Variants in TCF20 observed in about 807,000 individuals in gnomAD.
TCF20 encodes transcription factor 20, also known as SPRE-binding protein.
A neutral mutation model predicts 148.6 loss-of-function variants in TCF20; 3 were observed. That is an observed-to-expected ratio of 0.02 (90% CI 0.01 to 0.05). The LOEUF is 0.05. Ranked by LOEUF, TCF20 falls within the 10% of genes least tolerant of loss-of-function variation. The pLI, the probability that TCF20 is intolerant of heterozygous loss-of-function variation, is 1.00. For missense variants in TCF20, 2,350 were observed against 2,429.3 expected (o/e 0.97, Z 0.69); for synonymous variants, 1,049 against 909.5 (o/e 1.15, Z -2.76).
chr22:42,179,814 G>A (rs776145526), intron 2 of TCF20, 112 bp from the exon 3 acceptor site: 34 of 720,518 alleles, frequency 4.7e-5, no homozygotes, highest in Non-Finnish European at 7.7e-5. Context: ...GTGGTTAGAG[G>A]AGTCCGTGGT....
upstream of TCF20, among the ~76,000 whole-genome samples, chr22:42,273,156 T>C (rs1157428904): frequency 4.0e-5 from 6 of 151,566 alleles, no homozygotes; most frequent in East Asian, 7.7e-4. Flanking sequence ...GGTCAGGAGT[T>C]CAAGACCACC....
chr22:42,257,462 G>A (rs1925803207), intron 1 of TCF20, among the ~76,000 whole-genome samples: 1 of 152,146 alleles, frequency 6.6e-6, no homozygotes, highest in South Asian at 2.1e-4. Flanking sequence ...ACAAATTTGC[G>A]ATGAAACAGA....
intron 1 of TCF20, among the ~76,000 whole-genome samples, chr22:42,232,690 G>A (rs1206106063): frequency 6.6e-6 from 1 of 151,790 alleles, no homozygotes. Context: ...AATTAGCACG[G>A]CGTGGTGGCG....
chr22:42,332,893 G>T (rs957984932), intron 1 of TCF20, among the ~76,000 whole-genome samples: 2 of 152,230 alleles, frequency 1.3e-5, no homozygotes, highest in Non-Finnish European at 2.9e-5. Context: ...TCAGATGCCA[G>T]GAGTGGGGGC....
intron 2 of TCF20, among the ~76,000 whole-genome samples, chr22:42,207,436 G>A (rs758386335): frequency 2.0e-5 from 3 of 152,026 alleles, no homozygotes; most frequent in Non-Finnish European, 2.9e-5. Context: ...ATTATTCTAC[G>A]GAGAGGACTA....
chr22:42,271,018 G>T (rs1452480862), upstream of TCF20, among the ~76,000 whole-genome samples: 1 of 152,104 alleles, frequency 6.6e-6, no homozygotes, highest in Non-Finnish European at 1.5e-5. Context: ...GGAGTTCCCT[G>T]GAGCCTCCAA....
intron 1 of TCF20, among the ~76,000 whole-genome samples, chr22:42,216,381 C>T (rs1440079432): frequency 6.6e-6 from 1 of 152,134 alleles, no homozygotes; most frequent in East Asian, 1.9e-4. Context: ...TGTCCAAGTG[C>T]AAATTTTTGC....
intron 1 of TCF20, among the ~76,000 whole-genome samples, chr22:42,313,586 C>T (rs1171810657): frequency 1.4e-5 from 2 of 147,696 alleles, no homozygotes; most frequent in African/African-American, 2.6e-5. Flanking sequence ...GCAGCCTCAA[C>T]AGAATTCTTT....
In TCF20 at chr22:42,212,218, G is replaced by T. The variant is rs200309070; in HGVS notation, c.3088C>A (p.Pro1030Thr). 26 of 1,614,004 alleles carry T rather than the reference G, an allele frequency of 1.6e-5. No homozygotes were observed. The highest frequency in any genetic ancestry group is 1.6e-4 in the Middle Eastern group (1 of 6,084). The change falls in exon 2 of 6, where the codon CCT becomes ACT. Residue 1030 changes from proline (P) to threonine (T), a missense_variant. Physicochemically the swap from Pro to Thr is conservative, Grantham distance 38. Coordinates refer to ENST00000677622, the MANE Select transcript of TCF20 (RefSeq NM_001378418.1). ...GTCATGTGTGGATTCATGTGATGAG[G>T]GTCTCCCCCTGGGCCTCTGCTCCGC... is the stretch of plus-strand genomic sequence containing the variant. Reference protein sequence around the residue: ...PGRSRGPGGDPHHMNPHMTFS... With the variant: ...PGRSRGPGGDTHHMNPHMTFS...
At chr22:42,174,498 G>A (rs899067778) in intron 3 of TCF20, among the ~76,000 whole-genome samples, 1 of 152,104 alleles carries the variant, frequency 6.6e-6, no homozygotes, top group African/African-American at 2.4e-5. Context: ...GCCTCAGTGG[G>A]GGACCACTTC....
At chr22:42,326,558 C>T (rs1339169592) in intron 1 of TCF20, among the ~76,000 whole-genome samples, 1 of 152,212 alleles carries the variant, frequency 6.6e-6, no homozygotes, top group East Asian at 1.9e-4. Flanking sequence ...CTGACAGATG[C>T]CAGGTTCTGG....
intron 2 of TCF20, among the ~76,000 whole-genome samples, chr22:42,195,710 G>A (rs1937570662): frequency 6.6e-6 from 1 of 152,038 alleles, no homozygotes. Flanking sequence ...ACGTTGGCCA[G>A]GCTAGTCTCA....
chr22:42,255,488 AAACAAC>A (rs71746301), intron 1 of TCF20, among the ~76,000 whole-genome samples: 73 of 29,312 alleles, frequency 2.5e-3, no homozygotes, highest in Non-Finnish European at 4.5e-3. Context: ...ACTTCATCTC[AAACAAC>A]AACAACAACA....
In TCF20 at chr22:42,290,608, T is replaced by C. The variant is rs1435652223; in HGVS notation, c.-37+52871A>G. On this transcript the variant is annotated intron_variant, in intron 1 of 1. Coordinates refer to the TCF20 transcript ENST00000515426. This position sits in a 1 kb window ranked among gnomAD's most constrained non-coding sequence, Gnocchi z 4.2. The stretch of plus-strand genomic sequence containing the variant: ...GGGCAGGCTGGGAGGGAAAGGCTTC[T>C]GGTTTCTGGAGGGTACCAGAGGAGA... Among the ~76,000 whole-genome samples the C allele has an allele frequency of 6.6e-5, 10 of 152,106 alleles. No individual in the cohort carries two copies. Among genetic ancestry groups the C allele is most frequent in the African/African-American group, 9.7e-5 (4 of 41,436 alleles).
At chr22:42,336,383 C>T (rs1453047160) in intron 1 of TCF20, among the ~76,000 whole-genome samples, 1 of 152,032 alleles carries the variant, frequency 6.6e-6, no homozygotes, top group African/African-American at 2.4e-5. Flanking sequence ...TGGATGCCCC[C>T]GGAGCACTCC....
chr22:42,276,289 C>G (rs538250797), intron 1 of TCF20: 1 of 152,222 alleles, frequency 6.6e-6, no homozygotes, highest in African/African-American at 2.4e-5. Flanking sequence ...GTTCCCTGTG[C>G]TTGGGGATCC....
intron 2 of TCF20, among the ~76,000 whole-genome samples, chr22:42,200,213 T>G (rs1421021030): frequency 1.3e-5 from 2 of 152,206 alleles, no homozygotes; most frequent in East Asian, 3.8e-4. Context: ...TTTCTTTTCT[T>G]CAACCCTTCT....
intron 1 of TCF20, among the ~76,000 whole-genome samples, chr22:42,309,908 G>T (rs932042478): frequency 4.6e-5 from 7 of 152,350 alleles, no homozygotes; most frequent in African/African-American, 1.7e-4. Flanking sequence ...CCATGAGGAT[G>T]CTCTGAGGTT....
chr22:42,281,223 A>C (rs529060061), intron 1 of TCF20, among the ~76,000 whole-genome samples: 10 of 152,292 alleles, frequency 6.6e-5, no homozygotes, highest in Admixed American at 3.9e-4. Context: ...CTGGTCTTTA[A>C]ATTCAAATCT....
Sources: gnomAD v4.1 joint callset for allele counts (sites outside exome capture counted in the v4.1 genomes callset) on GRCh38, gnomAD v4.1.1 for gene constraint, Gnocchi (gnomAD v3.1) non-coding constraint, MANE v1.5 for transcripts, NCBI Gene and HGNC (gene_info 2026-07-23, HGNC 2026-07-21) for gene names.